The following GRIA4 variants were observed in gnomAD, a reference collection of about 807,000 sequenced individuals.
The protein encoded by GRIA4 is glutamate receptor 4.
Under a neutral mutation model 104.0 loss-of-function variants are expected in GRIA4, and 34 were observed. The observed-to-expected ratio is 0.33, with a 90% CI of 0.25 to 0.44. The LOEUF is 0.44. Ranked by LOEUF, GRIA4 falls within the 20% of genes least tolerant of loss-of-function variation. The pLI, the probability that GRIA4 is intolerant of heterozygous loss-of-function variation, is 1.00. For missense variants in GRIA4, 750 were observed against 1,096.5 expected, an observed-to-expected ratio of 0.68 and a Z score of 4.46; for synonymous variants, 386 against 381.9, an observed-to-expected ratio of 1.01 and a Z score of -0.13.
chr11:105,851,919 G>C (rs1008970204), intron 4 of GRIA4, among the ~76,000 whole-genome samples: 2 of 152,184 alleles, frequency 1.3e-5, no homozygotes, highest in Non-Finnish European at 2.9e-5. Flanking sequence ...GCTTCATGAA[G>C]AAAAGCACAT....
At chr11:105,960,668 C>T (rs919996333) in intron 14 of GRIA4, among the ~76,000 whole-genome samples, 2 of 152,214 alleles carry the variant, frequency 1.3e-5, no homozygotes, top group African/African-American at 2.4e-5. Flanking sequence ...CCCCTCCCCC[C>T]GGGAGTTCCG....
At chr11:105,643,375 T>C (rs1420987828) in intron 3 of GRIA4, among the ~76,000 whole-genome samples, 3 of 152,144 alleles carry the variant, frequency 2.0e-5, no homozygotes, top group African/African-American at 7.2e-5. Flanking sequence ...CTTAACATTG[T>C]TTTACTTTAG....
chr11:105,969,305 T>C (rs1488652848), intron 14 of GRIA4, among the ~76,000 whole-genome samples: 1 of 152,180 alleles, frequency 6.6e-6, no homozygotes, highest in Non-Finnish European at 1.5e-5. Context: ...AAAAAAGTTG[T>C]AGTAAACAAA....
intron 3 of GRIA4, among the ~76,000 whole-genome samples, chr11:105,636,748 A>T (rs1951213766): frequency 6.6e-6 from 1 of 152,200 alleles, no homozygotes; most frequent in South Asian, 2.1e-4. Context: ...TGTAAAGGGA[A>T]ATCATAAAAC....
At chr11:105,783,744 TTG>T (rs56222983) in intron 4 of GRIA4, among the ~76,000 whole-genome samples, 5,679 of 145,382 alleles carry the variant, frequency 0.039, 101 homozygotes, top group East Asian at 0.068. Flanking sequence ...TGGATGTTAT[TTG>T]TGTGTGTGTG....
At chr11:105,719,010 A>T (rs1221831158) in intron 3 of GRIA4, among the ~76,000 whole-genome samples, 2 of 152,134 alleles carry the variant, frequency 1.3e-5, no homozygotes, top group Non-Finnish European at 2.9e-5. Context: ...AACACGAAGC[A>T]CTTATTCTTA....
intron 4 of GRIA4, among the ~76,000 whole-genome samples, chr11:105,816,757 AT>A (rs1469044262): frequency 6.6e-6 from 1 of 152,118 alleles, no homozygotes; most frequent in African/African-American, 2.4e-5. Flanking sequence ...CACACCTATA[AT>A]CCCAGCAAGT....
At chr11:105,815,426 A>G (rs1174093864) in intron 4 of GRIA4, among the ~76,000 whole-genome samples, 1 of 152,092 alleles carries the variant, frequency 6.6e-6, no homozygotes, top group Non-Finnish European at 1.5e-5. Context: ...TCTAATGGAA[A>G]GGTAGATGGG....
intron 3 of GRIA4, among the ~76,000 whole-genome samples, chr11:105,647,628 A>T (rs1951566363): frequency 1.3e-5 from 2 of 152,158 alleles, no homozygotes; most frequent in African/African-American, 4.8e-5. Context: ...AAAGAACGAG[A>T]TCATGTCCTT....
At chr11:105,846,139 C>T (rs1455340533) in intron 4 of GRIA4, among the ~76,000 whole-genome samples, 1 of 152,086 alleles carries the variant, frequency 6.6e-6, no homozygotes, top group African/African-American at 2.4e-5. Context: ...CCTGACCTAA[C>T]AATATTTAAG....
chr11:105,968,249 A>ACT (rs1858496063), intron 14 of GRIA4, among the ~76,000 whole-genome samples: 1 of 152,178 alleles, frequency 6.6e-6, no homozygotes, highest in South Asian at 2.1e-4. Flanking sequence ...GAGAGAGCTG[A>ACT]CTCACTTGTC....
At chr11:105,778,023 T>G (rs1565228433) in intron 4 of GRIA4, among the ~76,000 whole-genome samples, 1 of 152,290 alleles carries the variant, frequency 6.6e-6, no homozygotes, top group East Asian at 1.9e-4. Flanking sequence ...TTCCCTGTAT[T>G]GCAAGGGGGA....
At chr11:105,618,415 G>T (rs1162309502) in intron 3 of GRIA4, among the ~76,000 whole-genome samples, 1 of 151,998 alleles carries the variant, frequency 6.6e-6, no homozygotes, top group Non-Finnish European at 1.5e-5. Flanking sequence ...TGGAAGCATG[G>T]AGGAGAGAGA....
chr11:105,960,618 AAC>A (rs1948717174), intron 14 of GRIA4, among the ~76,000 whole-genome samples: 1 of 152,174 alleles, frequency 6.6e-6, no homozygotes, highest in Admixed American at 6.5e-5. Context: ...AAGGAGCTGA[AAC>A]AGCTTCGACA....
chr11:105,751,326 A>C (rs1442935182), intron 3 of GRIA4, among the ~76,000 whole-genome samples: 1 of 152,194 alleles, frequency 6.6e-6, no homozygotes, highest in Non-Finnish European at 1.5e-5. Context: ...GACCACTTAC[A>C]TACTTGCATC....
intron 9 of GRIA4, among the ~76,000 whole-genome samples, chr11:105,907,572 C>T (rs1183105642): frequency 6.6e-6 from 1 of 152,164 alleles, no homozygotes; most frequent in East Asian, 1.9e-4. Context: ...GCAGAAGCCA[C>T]AAAGCTCTTT....
At chr11:105,936,075 C>A (rs2136216254) in intron 14 of GRIA4, among the ~76,000 whole-genome samples, 1 of 152,276 alleles carries the variant, frequency 6.6e-6, no homozygotes, top group East Asian at 1.9e-4. Flanking sequence ...CCTTTGAGAA[C>A]ACTGGAAGGG....
intron 3 of GRIA4, among the ~76,000 whole-genome samples, chr11:105,625,714 G>A (rs527982242): frequency 2.6e-5 from 4 of 152,134 alleles, no homozygotes; most frequent in Admixed American, 6.6e-5. Context: ...GGCATTGTAC[G>A]TATAAAGAGT....
At chr11:105,839,444 C>CTTT (rs5794431) in intron 4 of GRIA4, among the ~76,000 whole-genome samples, 28 of 140,230 alleles carry the variant, frequency 2.0e-4, no homozygotes, top group African/African-American at 5.8e-4. Flanking sequence ...CAGTGACTTC[C>CTTT]TTTTTTTTTT....
Sources: gnomAD v4.1 joint callset for allele counts (sites outside exome capture counted in the v4.1 genomes callset) on GRCh38, gnomAD v4.1.1 for gene constraint, MANE v1.5 for transcripts, NCBI Gene and HGNC (gene_info 2026-07-23, HGNC 2026-07-21) for gene names.